WWP2: variants seen among roughly 807,000 people sequenced by gnomAD.
WWP2 encodes WW domain containing E3 ubiquitin protein ligase 2.
A neutral mutation model predicts 121.0 loss-of-function variants in WWP2; 57 were observed. The observed-to-expected ratio is 0.47, with a 90% CI of 0.38 to 0.59. The LOEUF is 0.59. Ranked by LOEUF, WWP2 falls within the 20% of genes least tolerant of loss-of-function variation. The probability of loss-of-function intolerance (pLI) is 0.00; values close to 1 mark genes in which losing one functional copy is unlikely to be tolerated. For synonymous variants in WWP2, 449 were observed against 441.3 expected, an observed-to-expected ratio of 1.02 and a Z score of -0.22; for missense variants, 962 against 1,158.9, an observed-to-expected ratio of 0.83 and a Z score of 2.47.
chr16:69,910,710 A>G (rs1468556445), intron 9 of WWP2, among the ~76,000 whole-genome samples: 1 of 152,158 alleles, frequency 6.6e-6, no homozygotes, highest in Non-Finnish European at 1.5e-5. Flanking sequence ...CGCCCAGCCT[A>G]CTGTGGCTTC....
chr16:69,795,267 CA>C (rs1567669640), intron 2 of WWP2, among the ~76,000 whole-genome samples: 16 of 151,330 alleles, frequency 1.1e-4, no homozygotes, highest in African/African-American at 2.7e-4. Context: ...GATACACACA[CA>C]CACACACACA....
chr16:69,920,126 A>G (rs920130500), intron 10 of WWP2, among the ~76,000 whole-genome samples: 2 of 152,094 alleles, frequency 1.3e-5, no homozygotes, highest in Non-Finnish European at 2.9e-5. Flanking sequence ...CATCAGCCAT[A>G]AGTCACTGTA....
intron 6 of WWP2, among the ~76,000 whole-genome samples, chr16:69,857,347 C>G (rs1341686136): frequency 1.3e-5 from 2 of 152,292 alleles, no homozygotes; most frequent in South Asian, 2.1e-4. Flanking sequence ...CCTGCCTTGG[C>G]CTCCCAAAGT....
At chr16:69,773,794 C>T (rs141550691) in intron 1 of WWP2, among the ~76,000 whole-genome samples, 143 of 152,246 alleles carry the variant, frequency 9.4e-4, no homozygotes, top group Admixed American at 2.8e-3. Flanking sequence ...CCCAGTTTTT[C>T]ATTTGCATAA....
Position 69,929,444 on chromosome 16 carries a change from G to A in WWP2, c.1235-4G>A, listed in dbSNP as rs529796178. 3 of 1,612,650 alleles carry A rather than the reference G, an allele frequency of 1.9e-6. No individual in the cohort carries two copies. Among genetic ancestry groups the A allele is most frequent in the African/African-American group, 2.7e-5 (2 of 75,002 alleles). On this transcript the variant is annotated splice_region_variant and splice_polypyrimidine_tract_variant and intron_variant, in intron 11 of 23. Transcript: ENST00000359154. ...GATGTTCTTTCTTTCTTCTCATGTG[G>A]CAGAGAAGAGACAGGACAATGGACG...
chr16:69,795,090 G>A (rs929751062), intron 2 of WWP2, among the ~76,000 whole-genome samples: 3 of 152,088 alleles, frequency 2.0e-5, no homozygotes, highest in Admixed American at 6.6e-5. Context: ...TAAAAAGTTA[G>A]CCAGGCGTGG....
chr16:69,769,486 G>A (rs2055368947), intron 1 of WWP2, among the ~76,000 whole-genome samples: 2 of 152,114 alleles, frequency 1.3e-5, no homozygotes, highest in Non-Finnish European at 2.9e-5. Context: ...ATACTGGTGT[G>A]TAATTTCTGC....
chr16:69,837,506 C>T (rs370843807), intron 4 of WWP2, among the ~76,000 whole-genome samples: 1 of 152,206 alleles, frequency 6.6e-6, no homozygotes, highest in African/African-American at 2.4e-5. Flanking sequence ...GAGATGAGAC[C>T]ATGGAGAGGA....
Position 69,799,584 on chromosome 16 carries a change from G to A in WWP2, c.340+289G>A. ...GTCTGCCTCTGCTCCTCTTCCCGTT[G>A]CAGGAGATGTGTGATATGTTGAATG... is the stretch of plus-strand genomic sequence containing the variant. On this transcript the variant is annotated intron_variant, in intron 4 of 23. Coordinates refer to ENST00000359154, the MANE Select transcript of WWP2 (RefSeq NM_001270454.2). The surrounding 1 kb of genome is among the most constrained non-coding windows in gnomAD (Gnocchi z 4.5). 3 of 337,420 alleles carry A rather than the reference G, an allele frequency of 8.9e-6. No homozygotes were observed. In the South Asian group the frequency reaches 1.5e-4, roughly 16 times the overall value. 20.9% of individuals were successfully genotyped at this position (337,420 alleles called of 1,614,324 possible). A position where few individuals can be genotyped will look rare whatever the true frequency, so the allele number is the denominator to read the frequency against.
At position 69,935,823 on chromosome 16, in the gene WWP2, A is replaced by T; in HGVS notation, c.1843-30A>T. The T allele has an allele frequency of 6.3e-7, 1 of 1,595,882 alleles. No homozygotes were observed. The highest frequency in any genetic ancestry group is 8.5e-7 in the Non-Finnish European group (1 of 1,172,112). ...TCTTGGCAGTGCCCAGGGAAGGCCA[A>T]ACCTCTGTGCTGTGCCTCTTCCTTC... On this transcript the variant is annotated intron_variant, in intron 17 of 23. Transcript: ENST00000359154. The surrounding 1 kb of genome is among the most constrained non-coding windows in gnomAD (Gnocchi z 5.2).
At chr16:69,780,331 C>T (rs887264786) in intron 1 of WWP2, among the ~76,000 whole-genome samples, 4 of 151,324 alleles carry the variant, frequency 2.6e-5, no homozygotes, top group Non-Finnish European at 5.9e-5. Flanking sequence ...ATTTCAGGTA[C>T]TATATAGCAT....
At chr16:69,892,078 A>T (rs7191138) in intron 8 of WWP2, among the ~76,000 whole-genome samples, 2 of 152,162 alleles carry the variant, frequency 1.3e-5, no homozygotes, top group African/African-American at 4.8e-5. Context: ...TTTGCCTCTG[A>T]ATGCCCAGCA....
At chr16:69,851,116 G>A (rs10852460) in intron 6 of WWP2, among the ~76,000 whole-genome samples, 80,821 of 150,346 alleles carry the variant, frequency 0.54, 22,269 homozygotes, top group East Asian at 0.9. Context: ...GTTCAAGTGA[G>A]TCTCATGCCT....
intron 9 of WWP2, among the ~76,000 whole-genome samples, chr16:69,917,247 T>G (rs2058491272): frequency 6.6e-6 from 1 of 152,256 alleles, no homozygotes; most frequent in African/African-American, 2.4e-5. Context: ...TTTTCTCCCA[T>G]TTTTCTGCTC....
intron 8 of WWP2, among the ~76,000 whole-genome samples, chr16:69,899,838 C>T (rs117831368): frequency 0.025 from 3,803 of 150,630 alleles, 86 homozygotes; most frequent in Middle Eastern, 0.038. Context: ...ATCTTACAAT[C>T]GATGGCATTT....
intron 2 of WWP2, among the ~76,000 whole-genome samples, chr16:69,793,883 G>A (rs1007518694): frequency 4.3e-5 from 5 of 117,196 alleles, no homozygotes; most frequent in Non-Finnish European, 7.4e-5. Flanking sequence ...AGGTGGTTTC[G>A]TTTTGGGAAG....
chr16:69,772,952 T>G (rs1261001507), intron 1 of WWP2, among the ~76,000 whole-genome samples: 2 of 152,130 alleles, frequency 1.3e-5, no homozygotes, highest in South Asian at 2.1e-4. Context: ...TTTTTTTCCC[T>G]TTCTGTGGGT....
intron 1 of WWP2, among the ~76,000 whole-genome samples, chr16:69,770,052 G>C (rs1254931197): frequency 6.6e-6 from 1 of 152,000 alleles, no homozygotes. Flanking sequence ...AGTAGAGATG[G>C]GATTTCGCCG....
intron 13 of WWP2, 89 bp from the exon 14 acceptor site, chr16:69,931,061 CAT>C: frequency 8.1e-7 from 1 of 1,233,436 alleles, no homozygotes; most frequent in Non-Finnish European, 1.2e-6. Context: ...TTTAAATTAA[CAT>C]AGCACCAGCT....
Sources: gnomAD v4.1 joint callset for allele counts (sites outside exome capture counted in the v4.1 genomes callset) on GRCh38, gnomAD v4.1.1 for gene constraint, Gnocchi (gnomAD v3.1) non-coding constraint, MANE v1.5 for transcripts, NCBI Gene and HGNC (gene_info 2026-07-23, HGNC 2026-07-21) for gene names.